The following ADPRHL1 variants were observed in gnomAD, a reference collection of about 807,000 sequenced individuals.
The protein encoded by ADPRHL1 is inactive ADP-ribosyltransferase ARH2.
ADPRHL1 carries 43 observed loss-of-function variants against 44.1 expected under a neutral mutation model. The observed-to-expected ratio is 0.98, with a 90% CI of 0.76 to 1.26. ADPRHL1 has a LOEUF of 1.26. Ranked by LOEUF, ADPRHL1 falls within the 50% of genes most tolerant of loss-of-function variation. ADPRHL1 has a pLI of 0.00. For synonymous variants in ADPRHL1, 878 were observed against 1,017.4 expected (o/e 0.86, Z 2.61); for missense variants, 2,022 against 2,496.9 (o/e 0.81, Z 4.05).
chr13:113,440,369 T>C (rs2044088591), intron 2 of ADPRHL1, among the ~76,000 whole-genome samples: 1 of 152,254 alleles, frequency 6.6e-6, no homozygotes, highest in Non-Finnish European at 1.5e-5. Flanking sequence ...CTTGGGAATA[T>C]TCTTTGCTCC....
In ADPRHL1 at chr13:113,404,340, C is replaced by T. The variant is rs1409674217; in HGVS notation, c.4942G>A (p.Ala1648Thr). The T allele has an allele frequency of 3.0e-6, 4 of 1,327,718 alleles. No individual in the cohort carries two copies. Among genetic ancestry groups the T allele is most frequent in the Non-Finnish European group, 3.8e-6 (4 of 1,047,010 alleles). 82.2% of individuals were successfully genotyped at this position (1,327,718 alleles called of 1,614,324 possible). A position where few individuals can be genotyped will look rare whatever the true frequency, so the allele number is the denominator to read the frequency against. ...GCCTGTTCCTGGGCCCGTTCCTGAG[C>T]CCCTTTCTGGGCCTGACCCTGAACC... ...ERVQGQAQKG[A>T]QERAQEQAQE... The change falls in exon 8 of 8, where the codon GCT (alanine) becomes ACT (threonine). Residue 1648 changes from alanine to threonine, a missense_variant. This residue lies in a region of ADPRHL1 where 25 missense variants were observed against 50.2 expected (regional missense o/e 0.50). Coordinates refer to ENST00000612156, the MANE Select transcript of ADPRHL1 (RefSeq NM_001394807.1).
chr13:113,407,487 C>T lies in ADPRHL1; in HGVS notation c.1795G>A (p.Ala599Thr). ...EVRVLHTATMASTCVKMPPAR... is the reference protein window; with the variant it reads ...EVRVLHTATMTSTCVKMPPAR... ...GGGGGCATCTTGACGCAGGTGCTGG[C>T]CATGGTGGCCGTGTGCAGCACGCGC... The change falls in exon 8 of 8, where the codon GCC (alanine) becomes ACC (threonine). Residue 599 changes from alanine to threonine, a missense_variant. Physicochemically the swap from Ala to Thr is moderately conservative, Grantham distance 58 (BLOSUM62 0). This residue lies in a region of ADPRHL1 where 1,221 missense variants were observed against 1,517.8 expected (regional missense o/e 0.80). Coordinates refer to ENST00000612156, the MANE Select transcript of ADPRHL1 (RefSeq NM_001394807.1). 8.1e-7 allele frequency: 1 copy of T among 1,232,072 alleles called. No individual in the cohort carries two copies. The highest frequency in any genetic ancestry group is 1.0e-6 in the Non-Finnish European group (1 of 988,050). The allele number at this position is 1,232,072 out of a possible 1,614,324, so 76.3% of individuals were successfully genotyped here. A position where few individuals can be genotyped will look rare whatever the true frequency, so the allele number is the denominator to read the frequency against.
rs2043808237 is a variant in ADPRHL1 at position 113,406,329 on chromosome 13, C to T, written c.2953G>A (p.Val985Met). The T allele has an allele frequency of 8.1e-7, 1 of 1,231,990 alleles. No homozygotes were observed. The highest frequency in any genetic ancestry group is 1.6e-5 in the African/African-American group (1 of 64,434). The allele number at this position is 1,231,990 out of a possible 1,614,324, so 76.3% of individuals were successfully genotyped here. The change falls in exon 8 of 8, where the codon GTG becomes ATG. Residue 985 changes from valine (V) to methionine (M), a missense_variant. This residue lies in a region of ADPRHL1 where 1,221 missense variants were observed against 1,517.8 expected (regional missense o/e 0.80). Coordinates refer to ENST00000612156, the MANE Select transcript of ADPRHL1 (RefSeq NM_001394807.1). ...SGERTSELRDVKHPLPESNEI... is the reference protein window; with the variant it reads ...SGERTSELRDMKHPLPESNEI... ...TTAGATTCCGGCAACGGATGCTTCA[C>T]ATCTCTGAGCTCAGAGGTCCTCTCT...
chr13:113,425,544 GTAT>G (rs938056200), intron 4 of ADPRHL1, among the ~76,000 whole-genome samples: 1 of 151,944 alleles, frequency 6.6e-6, no homozygotes, highest in Non-Finnish European at 1.5e-5. Context: ...GCTAATTTTT[GTAT>G]TTTTAGTAGA....
At chr13:113,449,832 C>T (rs988979790) in intron 1 of ADPRHL1, among the ~76,000 whole-genome samples, 1 of 152,234 alleles carries the variant, frequency 6.6e-6, no homozygotes, top group South Asian at 2.1e-4. Context: ...TGCAGGCCAC[C>T]GTGATCTCAG....
At chr13:113,437,323 C>G (rs1274647448) in intron 2 of ADPRHL1, among the ~76,000 whole-genome samples, 1 of 151,074 alleles carries the variant, frequency 6.6e-6, no homozygotes, top group African/African-American at 2.4e-5. Context: ...ACCCCATGAC[C>G]CAGCACCCAG....
chr13:113,423,267 C>A (rs1255864125), intron 6 of ADPRHL1, among the ~76,000 whole-genome samples: 1 of 150,956 alleles, frequency 6.6e-6, no homozygotes, highest in East Asian at 2.0e-4. Flanking sequence ...AAAAAAAAAA[C>A]AACAAACCCA....
At chr13:113,422,790 G>A (rs770946387) in intron 7 of ADPRHL1, 36 bp downstream of exon 7, 53 of 1,611,090 alleles carry the variant, frequency 3.3e-5, no homozygotes, top group East Asian at 4.5e-5. Flanking sequence ...GGGTGGAATC[G>A]GCTCTCTAGG....
intron 6 of ADPRHL1, among the ~76,000 whole-genome samples, chr13:113,423,510 C>T (rs908484925): frequency 6.6e-6 from 1 of 152,238 alleles, no homozygotes; most frequent in Non-Finnish European, 1.5e-5. Flanking sequence ...AACGGGGCCA[C>T]ATTTGTGTTT....
rs2043793435 is a variant in ADPRHL1, at chr13:113,404,681, C to A, written c.4601G>T (p.Gly1534Val). The change falls in exon 8 of 8, where the codon GGA becomes GTA. Residue 1534 changes from glycine (G) to valine (V), a missense_variant. Physicochemically the swap from Gly to Val is moderately radical, Grantham distance 109. Transcript: ENST00000612156. Reference sequence around the variant, plus strand: ...ATTCTGAAACTGTTTCTGGGCCTGTCCCTGACTGTGTCCCTGGGTCCCACC... The same window carrying A: ...ATTCTGAAACTGTTTCTGGGCCTGTACCTGACTGTGTCCCTGGGTCCCACC... The part of the protein sequence containing the change: ...AQGGTQGHSQ[G>V]QAQKQFQNWA... The A allele has an allele frequency of 7.7e-7, 1 of 1,298,338 alleles. No homozygotes were observed. Among genetic ancestry groups the A allele is most frequent in the Non-Finnish European group, 9.7e-7 (1 of 1,030,398 alleles). 80.4% of individuals were successfully genotyped at this position (1,298,338 alleles called of 1,614,324 possible).
intron 1 of ADPRHL1, among the ~76,000 whole-genome samples, chr13:113,446,057 GCCCGGCGGCTGCAAACCTCCTCACCTCCT>G (rs2044134821): frequency 2.2e-5 from 3 of 139,120 alleles, no homozygotes; most frequent in African/African-American, 8.9e-5. Flanking sequence ...AGCGTGCAGG[GCCCGGCGGCTGCAAACCTCCTCACCTCCT>G]ACCACAGAGA....
chr13:113,443,539 A>G (rs1361459049), intron 2 of ADPRHL1, among the ~76,000 whole-genome samples: 1 of 151,880 alleles, frequency 6.6e-6, no homozygotes, highest in Non-Finnish European at 1.5e-5. Flanking sequence ...GGATTGCTTG[A>G]GTCTGGGAGG....
In ADPRHL1 at chr13:113,407,867, T is replaced by C; in HGVS notation, c.1415A>G (p.Asn472Ser). ...PGGGLVGATI[N>S]KLLEKTKEPA... ...CTCCTTGGTCTTCTCCAGGAGCTTG[T>C]TGATGGTGGCACCCACGAGGCCCCC... The change falls in exon 8 of 8, where the codon AAC becomes AGC. Residue 472 changes from asparagine (N) to serine (S), a missense_variant. Coordinates refer to ENST00000612156, the MANE Select transcript of ADPRHL1 (RefSeq NM_001394807.1). 1 of 1,231,934 alleles carries C rather than the reference T, an allele frequency of 8.1e-7. No individual in the cohort carries two copies. Among genetic ancestry groups the C allele is most frequent in the Non-Finnish European group, 1.0e-6 (1 of 987,962 alleles). 76.3% of individuals were successfully genotyped at this position (1,231,934 alleles called of 1,614,324 possible). A position where few individuals can be genotyped will look rare whatever the true frequency, so the allele number is the denominator to read the frequency against.
rs74433331 is a variant in ADPRHL1 at position 113,432,887 on chromosome 13, T to G, written c.505+855A>C. Among the ~76,000 whole-genome samples, 481 of 152,296 alleles carry G rather than the reference T, an allele frequency of 3.2e-3. 25 individuals carry two copies. In the East Asian group the frequency reaches 0.08, roughly 25 times the overall value. On this transcript the variant is annotated intron_variant, in intron 3 of 7. Transcript: ENST00000612156. ...CAGGTCAGGAGTTTTGAGTCCTTTTTGCTTTTTTTAAATGGAAGCCAACCG... is the reference window on the plus strand; with the variant it reads ...CAGGTCAGGAGTTTTGAGTCCTTTTGGCTTTTTTTAAATGGAAGCCAACCG...
intron 2 of ADPRHL1, among the ~76,000 whole-genome samples, chr13:113,437,285 C>A (rs1368021868): frequency 6.6e-6 from 1 of 151,430 alleles, no homozygotes; most frequent in African/African-American, 2.4e-5. Context: ...CGGGACCCAG[C>A]ACCCAGGCGC....
At chr13:113,431,232 G>A (rs868680514) in intron 3 of ADPRHL1, among the ~76,000 whole-genome samples, 3 of 152,240 alleles carry the variant, frequency 2.0e-5, no homozygotes, top group African/African-American at 7.2e-5. Context: ...CTGTCGTGGG[G>A]AAAAGATGAC....
chr13:113,400,135 CTT>C lies in ADPRHL1; in HGVS notation c.*3241_*3242del, dbSNP rs1173846837. On this transcript the variant is annotated 3_prime_UTR_variant, in exon 8 of 8. Coordinates refer to ENST00000612156, the MANE Select transcript of ADPRHL1 (RefSeq NM_001394807.1). ...TAAAATAAATATCCTGTTTTCTTTT[CTT>C]TTCTTTTCTTCTTTTTTTTTTTTTT... is the stretch of plus-strand genomic sequence containing the variant. 6.4e-5 allele frequency: 9 copies of C among 141,384 alleles called. No homozygotes were observed. Among genetic ancestry groups the C allele is most frequent in the African/African-American group, 2.5e-4 (9 of 35,556 alleles). The allele number at this position is 141,384 out of a possible 1,614,324, so 8.8% of individuals were successfully genotyped here.
At chr13:113,436,233 G>A (rs1259649696) in intron 2 of ADPRHL1, among the ~76,000 whole-genome samples, 67 of 125,336 alleles carry the variant, frequency 5.3e-4, no homozygotes, top group Middle Eastern at 7.7e-3. Context: ...CCCGGGACCC[G>A]GCACCCAGGT....
At chr13:113,412,653 C>G (rs1356248173) in intron 7 of ADPRHL1, among the ~76,000 whole-genome samples, 1 of 152,214 alleles carries the variant, frequency 6.6e-6, no homozygotes, top group African/African-American at 2.4e-5. Context: ...GCAGAAGACC[C>G]GTGGGTGGCG....
Sources: allele counts gnomAD v4.1 joint callset (sites outside exome capture counted in the v4.1 genomes callset), GRCh38; gene constraint gnomAD v4.1.1; regional missense constraint gnomAD v4.1.1; transcripts MANE v1.5; gene names NCBI Gene and HGNC (gene_info 2026-07-23, HGNC 2026-07-21).